The following NBEAL2 variants were observed in gnomAD, a reference collection of about 807,000 sequenced individuals.
NBEAL2 encodes the protein neurobeachin-like protein 2.
A neutral mutation model predicts 299.8 loss-of-function variants in NBEAL2; 160 were observed. That is an observed-to-expected ratio of 0.53 (90% CI 0.47 to 0.61). The LOEUF (loss-of-function observed/expected upper bound fraction) is 0.61. Ranked by LOEUF, NBEAL2 falls within the 20% of genes least tolerant of loss-of-function variation. The probability of loss-of-function intolerance (pLI) is 0.00; values close to 1 mark genes in which losing one functional copy is unlikely to be tolerated. For synonymous variants in NBEAL2, 1,493 were observed against 1,542.3 expected (o/e 0.97, Z 0.75); for missense variants, 3,112 against 3,649.0 (o/e 0.85, Z 3.79).
At chr3:46,997,765 G>A in intron 20 of NBEAL2, 71 bp downstream of exon 20, 1 of 1,427,852 alleles carries the variant, frequency 7.0e-7, no homozygotes, top group Non-Finnish European at 9.2e-7. Flanking sequence ...GACTGAGTGG[G>A]GAACCCTGTC....
Position 47,001,851 on chromosome 3 carries a change from C to T in NBEAL2, c.4782+25C>T. ...GGTGAGCACAGGGTGAGCATGGGGG[C>T]AGGGGGCGTGTGAGATGTCGGGAGC... On this transcript the variant is annotated intron_variant, in intron 30 of 53. Transcript: ENST00000450053. This position sits in a 1 kb window ranked among gnomAD's most constrained non-coding sequence, Gnocchi z 6.1. 6.2e-7 allele frequency: 1 copy of T among 1,612,288 alleles called. No homozygotes were observed. Among genetic ancestry groups the T allele is most frequent in the Non-Finnish European group, 8.5e-7 (1 of 1,178,854 alleles).
At position 46,991,183 on chromosome 3, in the gene NBEAL2, T is replaced by G; in HGVS notation, c.557-36T>G. The G allele has an allele frequency of 6.4e-7, 1 of 1,553,322 alleles. No homozygotes were observed. The highest frequency in any genetic ancestry group is 8.8e-7 in the Non-Finnish European group (1 of 1,138,764). ...CCCCTGGGTCCATAGCCCTGCAACC[T>G]TGGTGACATTACCCTGCCCACACCC... On this transcript the variant is annotated intron_variant, in intron 6 of 53. Coordinates refer to ENST00000450053, the MANE Select transcript of NBEAL2 (RefSeq NM_015175.3). The surrounding 1 kb of genome is among the most constrained non-coding windows in gnomAD (Gnocchi z 6.2).
At chr3:46,994,667 ACTGTTACCTGTAGCCTGGCCATGT>A in intron 12 of NBEAL2, 114 bp downstream of exon 12, 1 of 895,390 alleles carries the variant, frequency 1.1e-6, no homozygotes, top group South Asian at 1.6e-5. Context: ...GCCAGTACAT[ACTGTTACCTGTAGCCTGGCCATGT>A]CTGTTAGTGT....
chr3:47,007,891 T>C lies in NBEAL2; in HGVS notation c.7583T>C (p.Val2528Ala). ...GGCTCCCGGGACACCACGTGCATGGTGTGGCGGCTCCTGCATCAGGTGTGC... is the reference window on the plus strand; with the variant it reads ...GGCTCCCGGGACACCACGTGCATGGCGTGGCGGCTCCTGCATCAGGTGTGC... ...ISGSRDTTCM[V>A]WRLLHQGGLS... is the part of the protein sequence containing the mutation. The change falls in exon 49 of 54, where the codon GTG (valine) becomes GCG (alanine). Residue 2528 changes from valine to alanine, a missense_variant. Around this residue, in one of 3 missense-constraint regions of NBEAL2, gnomAD observed 348 missense variants for 381.4 expected, o/e 0.91. Transcript: ENST00000450053. 1 of 1,613,132 alleles carries C rather than the reference T, an allele frequency of 6.2e-7. No homozygotes were observed. Among genetic ancestry groups the C allele is most frequent in the African/African-American group, 1.3e-5 (1 of 75,008 alleles).
Position 47,004,449 on chromosome 3 carries a change from G to A in NBEAL2, c.6199-46G>A, listed in dbSNP as rs570104337. On this transcript the variant is annotated intron_variant, in intron 37 of 53. Coordinates refer to ENST00000450053, the MANE Select transcript of NBEAL2 (RefSeq NM_015175.3). The surrounding 1 kb of genome is among the most constrained non-coding windows in gnomAD (Gnocchi z 5.0). ...TCGGGACCCTGAATCACGGGGCAGT[G>A]CTGGACAGCCCACCTGGCTCACATC... 2 of 1,605,450 alleles carry A rather than the reference G, an allele frequency of 1.2e-6. No homozygotes were observed. Among genetic ancestry groups the A allele is most frequent in the African/African-American group, 1.3e-5 (1 of 74,950 alleles).
chr3:47,001,967 A>G lies in NBEAL2; in HGVS notation c.4830A>G (p.Ala1610=). ...GATTGCACATGCTGCTACAGACTGC[A>G]GTGCCAGCCCGCCGCGAGGAGGCCT... ...YVRLHMLLQT[A]VPARREEACY... is the part of the protein sequence containing the mutation. The change falls in exon 31 of 54, where the codon GCA becomes GCG. Residue 1610 remains alanine (A), a synonymous_variant. Coordinates refer to ENST00000450053, the MANE Select transcript of NBEAL2 (RefSeq NM_015175.3). The surrounding 1 kb of genome is among the most constrained non-coding windows in gnomAD (Gnocchi z 6.1). The G allele has an allele frequency of 1.9e-6, 3 of 1,609,468 alleles. No homozygotes were observed. Among genetic ancestry groups the G allele is most frequent in the Non-Finnish European group, 2.5e-6 (3 of 1,177,754 alleles).
Position 47,002,170 on chromosome 3 carries a change from C to T in NBEAL2, c.5033C>T (p.Pro1678Leu), listed in dbSNP as rs773521421. The T allele has an allele frequency of 1.0e-5, 16 of 1,533,068 alleles. No individual in the cohort carries two copies. The Admixed American group carries it at 2.2e-4, about 21-fold the overall frequency. The allele number at this position is 1,533,068 out of a possible 1,614,324, so 95.0% of individuals were successfully genotyped here. A position where few individuals can be genotyped will look rare whatever the true frequency, so the allele number is the denominator to read the frequency against. The change falls in exon 31 of 54, where the codon CCG (proline) becomes CTG (leucine). Residue 1678 changes from proline (P) to leucine (L), a missense_variant. This residue lies in a region of NBEAL2 where 2,243 missense variants were observed against 2,538.1 expected (regional missense o/e 0.88). Coordinates refer to ENST00000450053, the MANE Select transcript of NBEAL2 (RefSeq NM_015175.3). The stretch of plus-strand genomic sequence containing the variant: ...ACGCTGCTAGACCGTGCCTATGAGC[C>T]GCTGGGGCTGCAGTGGGGACTGCCC... ...VRTLLDRAYE[P>L]LGLQWGLPSL...
chr3:47,007,519 G>A lies in NBEAL2; in HGVS notation c.7335-6G>A. The A allele has an allele frequency of 6.2e-7, 1 of 1,609,248 alleles. No individual in the cohort carries two copies. The highest frequency in any genetic ancestry group is 8.5e-7 in the Non-Finnish European group (1 of 1,178,122). ...GCCTCACTTGCTATCCCCCTCACTG[G>A]GTCAGGACGCAGCGACTGCTGAGTG... On this transcript the variant is annotated splice_polypyrimidine_tract_variant and splice_region_variant and intron_variant, in intron 47 of 53. Coordinates refer to ENST00000450053, the MANE Select transcript of NBEAL2 (RefSeq NM_015175.3).
chr3:46,987,743 G>A (rs1209297038), intron 1 of NBEAL2, among the ~76,000 whole-genome samples: 1 of 152,116 alleles, frequency 6.6e-6, no homozygotes, highest in Non-Finnish European at 1.5e-5. Flanking sequence ...TCTTCCAGGC[G>A]CCAACCTCAT....
intron 41 of NBEAL2, 25 bp from the exon 42 acceptor site, chr3:47,005,713 C>T: frequency 6.2e-7 from 1 of 1,612,570 alleles, no homozygotes; most frequent in Non-Finnish European, 8.5e-7. Flanking sequence ...GACAGGGAGA[C>T]AGCTGACCCA....
In NBEAL2 at chr3:47,007,632, A is replaced by G. The variant is rs886043642; in HGVS notation, c.7442A>G (p.Asp2481Gly). 2.7e-5 allele frequency: 44 copies of G among 1,611,380 alleles called. No individual in the cohort carries two copies. The highest frequency in any genetic ancestry group is 3.1e-5 in the Non-Finnish European group (36 of 1,179,180). Residue 2481 changes from aspartate to glycine, a missense_variant, in exon 48 of 54, where the codon GAT becomes GGT. Transcript: ENST00000450053. ...GKLLFSGGHW[D>G]GSLRVTALPR... ...CTGCTATTCAGCGGTGGCCACTGGG[A>G]TGGCAGCCTGCGGGTGACTGCACTA...
rs1435550174 is a variant in NBEAL2 at position 47,008,181 on chromosome 3, T to C, written c.7714T>C (p.Ser2572Pro). 6.2e-7 allele frequency: 1 copy of C among 1,613,952 alleles called. No homozygotes were observed. ...TGAACTTGACATGGCTGTGTCTGGA[T>C]CTGAGGTGTGTGTATGCATGTGCCC... ...STELDMAVSG[S>P]EDGTVIIHTV... The change falls in exon 50 of 54, where the codon TCT becomes CCT. Residue 2572 changes from serine to proline, a missense_variant. By Grantham distance (74) the Ser-to-Pro change is moderately conservative. Coordinates refer to ENST00000450053, the MANE Select transcript of NBEAL2 (RefSeq NM_015175.3).
rs946285052 is a variant in NBEAL2, at chr3:46,991,624, C to T, written c.861C>T (p.Asp287=). ...GCTACTTCCATGTCCTTAATGCTGA[C>T]TGGCCAGCTGGTCTGAGCTCAGGCC... ...LESYFHVLNA[D]WPAGLSSGPE... Residue 287 remains aspartate (D), a synonymous_variant, in exon 8 of 54, where the codon GAC becomes GAT. Transcript: ENST00000450053. This position sits in a 1 kb window ranked among gnomAD's most constrained non-coding sequence, Gnocchi z 6.2. 1 of 1,599,948 alleles carries T rather than the reference C, an allele frequency of 6.3e-7. No homozygotes were observed. The highest frequency in any genetic ancestry group is 1.3e-5 in the African/African-American group (1 of 75,046).
At position 47,007,139 on chromosome 3, in the gene NBEAL2, G is replaced by T. The variant is rs200904954; in HGVS notation, c.7208G>T (p.Gly2403Val). 528 of 1,613,694 alleles carry T rather than the reference G, an allele frequency of 3.3e-4. 3 individuals are homozygous for T. The African/African-American group carries it at 6.2e-3, about 19-fold the overall frequency. Residue 2403 changes from glycine (G) to valine (V), a missense_variant, in exon 46 of 54, where the codon GGT (glycine) becomes GTT (valine). Gly to Val is a moderately radical substitution (Grantham distance 109). Around this residue, in one of 3 missense-constraint regions of NBEAL2, gnomAD observed 521 missense variants for 729.6 expected, o/e 0.71. Coordinates refer to ENST00000450053, the MANE Select transcript of NBEAL2 (RefSeq NM_015175.3). The part of the protein sequence containing the change: ...HRQPHSFITQ[G>V]SPDLLVTVSA... ...CAGCCCCACTCCTTCATCACCCAGG[G>T]TTCCCCAGACCTGTTGGTAAGTGCA...
Position 47,005,113 on chromosome 3 carries a change from G to A in NBEAL2, c.6419+17G>A. 1 of 1,613,892 alleles carries A rather than the reference G, an allele frequency of 6.2e-7. No individual in the cohort carries two copies. The highest frequency in any genetic ancestry group is 8.5e-7 in the Non-Finnish European group (1 of 1,179,882). On this transcript the variant is annotated intron_variant, in intron 39 of 53. Coordinates refer to ENST00000450053, the MANE Select transcript of NBEAL2 (RefSeq NM_015175.3). The stretch of plus-strand genomic sequence containing the variant: ...GAGGGAGAAGTGAGCATGTGGGCAG[G>A]GCTGGGCTCAGCGGGTAGGGAAAGG...
In NBEAL2 at chr3:46,996,567, G is replaced by A. The variant is rs1455661993; in HGVS notation, c.2448G>A (p.Thr816=). The change falls in exon 16 of 54, where the codon ACG becomes ACA. Residue 816 remains threonine, a synonymous_variant. Transcript: ENST00000450053. ...TCTTTCACGAAGCCCTGCAGGCGAC[G>A]GCTCTGAGGACCCTGTGCACCCTGG... ...VAIFHEALQA[T]ALRTLCTLGP... 2 of 1,535,832 alleles carry A rather than the reference G, an allele frequency of 1.3e-6. No homozygotes were observed. The highest frequency in any genetic ancestry group is 2.3e-5 in the East Asian group (1 of 43,896).
At chr3:46,984,768 C>T (rs2035579451) in intron 1 of NBEAL2, among the ~76,000 whole-genome samples, 1 of 152,118 alleles carries the variant, frequency 6.6e-6, no homozygotes, top group Non-Finnish European at 1.5e-5. Flanking sequence ...CCTTCCTGCT[C>T]CTAGCTCTTC....
chr3:47,007,195 C>T (rs757737382), intron 46 of NBEAL2, 40 bp downstream of exon 46: 1 of 1,610,606 alleles, frequency 6.2e-7, no homozygotes, highest in Non-Finnish European at 8.5e-7. Flanking sequence ...GCTCCACTCC[C>T]CCTTGCCTCT....
rs1231480687 is a variant in NBEAL2 at position 47,007,595 on chromosome 3, C to T, written c.7405C>T (p.Pro2469Ser). Reference sequence around the variant, plus strand: ...GAGTGGACAAGCACTGGCAGTGGCCCCGGATGGAAAGCTGCTATTCAGCGG... The same window carrying T: ...GAGTGGACAAGCACTGGCAGTGGCCTCGGATGGAAAGCTGCTATTCAGCGG... Reference protein sequence around the residue: ...GVSGQALAVAPDGKLLFSGGH... With the variant: ...GVSGQALAVASDGKLLFSGGH... The change falls in exon 48 of 54, where the codon CCG (proline) becomes TCG (serine). Residue 2469 changes from proline to serine, a missense_variant. By Grantham distance (74) the Pro-to-Ser change is moderately conservative (BLOSUM62 -1). This residue lies in a region of NBEAL2 where 348 missense variants were observed against 381.4 expected (regional missense o/e 0.91). Coordinates refer to ENST00000450053, the MANE Select transcript of NBEAL2 (RefSeq NM_015175.3). 1.2e-6 allele frequency: 2 copies of T among 1,612,172 alleles called. No individual in the cohort carries two copies. Among genetic ancestry groups the T allele is most frequent in the Non-Finnish European group, 1.7e-6 (2 of 1,179,550 alleles).
Sources: allele counts gnomAD v4.1 joint callset (sites outside exome capture counted in the v4.1 genomes callset), GRCh38; gene constraint gnomAD v4.1.1; regional missense constraint gnomAD v4.1.1; non-coding constraint Gnocchi (gnomAD v3.1); transcripts MANE v1.5; gene names NCBI Gene and HGNC (gene_info 2026-07-23, HGNC 2026-07-21).